NALF1: variants seen among roughly 807,000 people sequenced by gnomAD.
NALF1 encodes the protein NALCN channel auxiliary factor 1.
NALF1 carries 3 observed loss-of-function variants against 48.4 expected under a neutral mutation model. That is an observed-to-expected ratio of 0.06 (90% CI 0.03 to 0.16). The LOEUF (loss-of-function observed/expected upper bound fraction) is 0.16. Ranked by LOEUF, NALF1 falls within the 10% of genes least tolerant of loss-of-function variation. The pLI is 1.00. For synonymous variants in NALF1, 262 were observed against 245.7 expected, an observed-to-expected ratio of 1.07 and a Z score of -0.62; for missense variants, 526 against 571.5, an observed-to-expected ratio of 0.92 and a Z score of 0.81.
intron 1 of NALF1, among the ~76,000 whole-genome samples, chr13:107,578,446 G>A (rs1445829354): frequency 6.6e-6 from 1 of 151,952 alleles, no homozygotes; most frequent in Non-Finnish European, 1.5e-5. Flanking sequence ...GTTTTCATTG[G>A]CCTAGGATGC....
chr13:107,219,102 G>A (rs1423501363), intron 1 of NALF1, among the ~76,000 whole-genome samples: 2 of 152,166 alleles, frequency 1.3e-5, no homozygotes, highest in African/African-American at 2.4e-5. Flanking sequence ...GAGCTCTGCT[G>A]TGGGCATCAA....
chr13:107,802,068 T>C lies in NALF1; in HGVS notation c.915+63614A>G, dbSNP rs541669077. Among the ~76,000 whole-genome samples, 10 of 152,338 alleles carry C rather than the reference T, an allele frequency of 6.6e-5. No homozygotes were observed. The South Asian group carries it at 1.2e-3, about 19-fold the overall frequency. Reference sequence around the variant, plus strand: ...CAAACACCTCAAGATGAAAGTCTCTTTGCTATAAAAATCCTATTAACAAAA... The same window carrying C: ...CAAACACCTCAAGATGAAAGTCTCTCTGCTATAAAAATCCTATTAACAAAA... On this transcript the variant is annotated intron_variant, in intron 1 of 2. Coordinates refer to ENST00000375915, the MANE Select transcript of NALF1 (RefSeq NM_001080396.3).
At chr13:107,367,188 T>A (rs1883166834) in intron 1 of NALF1, among the ~76,000 whole-genome samples, 2 of 152,180 alleles carry the variant, frequency 1.3e-5, no homozygotes, top group Admixed American at 6.5e-5. Context: ...AACTGAGGGA[T>A]AACTCTTCTT....
At chr13:107,472,273 G>A (rs1406131270) in intron 1 of NALF1, among the ~76,000 whole-genome samples, 1 of 152,192 alleles carries the variant, frequency 6.6e-6, no homozygotes, top group Non-Finnish European at 1.5e-5. Context: ...AGGTTGCAGT[G>A]AGCTGAGATC....
At chr13:107,865,123 G>A (rs1880674810) in intron 1 of NALF1, among the ~76,000 whole-genome samples, 1 of 152,106 alleles carries the variant, frequency 6.6e-6, no homozygotes, top group African/African-American at 2.4e-5. Context: ...CCTCAGGTAG[G>A]CCCCCAGACT....
intron 1 of NALF1, among the ~76,000 whole-genome samples, chr13:107,331,667 C>G (rs1224028351): frequency 6.6e-6 from 1 of 152,082 alleles, no homozygotes. Context: ...TTTCTCTATA[C>G]TTTATCACGA....
chr13:107,466,188 T>A (rs55821254), intron 1 of NALF1: 40,636 of 152,124 alleles, frequency 0.27, 6,254 homozygotes, highest in Non-Finnish European at 0.34. Flanking sequence ...GCTGCCCCCA[T>A]AATTCAATCA....
intron 1 of NALF1, among the ~76,000 whole-genome samples, chr13:107,735,276 T>C (rs1033448043): frequency 2.0e-5 from 3 of 152,214 alleles, no homozygotes; most frequent in Non-Finnish European, 4.4e-5. Flanking sequence ...AAAGGCATCC[T>C]GAAGCCAATA....
chr13:107,825,805 C>T (rs932773599), intron 1 of NALF1, among the ~76,000 whole-genome samples: 1 of 151,216 alleles, frequency 6.6e-6, no homozygotes, highest in Admixed American at 6.5e-5. Flanking sequence ...TTTTGTGAGG[C>T]AGTCTCGCTC....
intron 1 of NALF1, among the ~76,000 whole-genome samples, chr13:107,707,988 C>A (rs766833253): frequency 2.0e-5 from 3 of 151,730 alleles, no homozygotes; most frequent in Non-Finnish European, 4.4e-5. Flanking sequence ...TCCACCCTAC[C>A]CCCCACCCCA....
In NALF1 at chr13:107,459,005, C is replaced by T. The variant is rs1884872832; in HGVS notation, c.916-248250G>A. On this transcript the variant is annotated intron_variant, in intron 1 of 2. Coordinates refer to ENST00000375915, the MANE Select transcript of NALF1 (RefSeq NM_001080396.3). The stretch of plus-strand genomic sequence containing the variant: ...TTGACGACCTTGAGTTTGGTGATGG[C>T]TTTTTACATACAACACCAAAAACAC... Among the ~76,000 whole-genome samples the T allele has an allele frequency of 2.0e-5, 3 of 151,488 alleles. No individual in the cohort carries two copies. The South Asian group carries it at 6.3e-4, about 32-fold the overall frequency.
intron 1 of NALF1, among the ~76,000 whole-genome samples, chr13:107,860,063 T>A (rs1880529722): frequency 6.6e-6 from 1 of 151,698 alleles, no homozygotes; most frequent in Non-Finnish European, 1.5e-5. Flanking sequence ...ACTTAAAAAA[T>A]AAAAAAGATG....
chr13:107,246,051 C>T (rs72666511), intron 1 of NALF1, among the ~76,000 whole-genome samples: 12,899 of 152,172 alleles, frequency 0.085, 1,017 homozygotes, highest in East Asian at 0.4. Context: ...CCTCTCTCTC[C>T]GCCCACCCTC....
At chr13:107,314,111 G>C (rs755502534) in intron 1 of NALF1, among the ~76,000 whole-genome samples, 21 of 152,092 alleles carry the variant, frequency 1.4e-4, no homozygotes, top group Non-Finnish European at 3.1e-4. Context: ...ACAACAGCAA[G>C]TCACTGACTG....
chr13:107,331,451 G>A (rs908914802), intron 1 of NALF1, among the ~76,000 whole-genome samples: 6 of 152,064 alleles, frequency 3.9e-5, no homozygotes, highest in Admixed American at 2.6e-4. Context: ...CAGTCTCACC[G>A]CTGTGTTTCA....
chr13:107,718,495 T>A (rs3905076), intron 1 of NALF1, among the ~76,000 whole-genome samples: 2 of 152,092 alleles, frequency 1.3e-5, no homozygotes, highest in Non-Finnish European at 2.9e-5. Flanking sequence ...GAGAAAATCA[T>A]CTCAGCTTGG....
intron 1 of NALF1, among the ~76,000 whole-genome samples, chr13:107,325,326 T>C (rs1882330980): frequency 6.6e-6 from 1 of 152,146 alleles, no homozygotes; most frequent in Non-Finnish European, 1.5e-5. Flanking sequence ...TTTCCAAGTA[T>C]TTATTTTTTC....
intron 1 of NALF1, among the ~76,000 whole-genome samples, chr13:107,682,014 C>T (rs192407995): frequency 1.2e-4 from 18 of 152,318 alleles, no homozygotes; most frequent in South Asian, 2.1e-4. Context: ...AGATGACCTC[C>T]TGGTCTTTTA....
intron 1 of NALF1, among the ~76,000 whole-genome samples, chr13:107,277,357 A>C (rs1451082472): frequency 6.6e-6 from 1 of 152,216 alleles, no homozygotes; most frequent in African/African-American, 2.4e-5. Context: ...TATTATTCTC[A>C]ATTTTGCCTC....
Sources: gnomAD v4.1 joint callset for allele counts (sites outside exome capture counted in the v4.1 genomes callset) on GRCh38, gnomAD v4.1.1 for gene constraint, MANE v1.5 for transcripts, NCBI Gene and HGNC (gene_info 2026-07-23, HGNC 2026-07-21) for gene names.